SEC24B: variants seen among roughly 807,000 people sequenced by gnomAD.
SEC24B encodes protein transport protein Sec24B.
Under a neutral mutation model 142.8 loss-of-function variants are expected in SEC24B, and 45 were observed. The ratio of observed to expected loss-of-function variants is 0.32; its 90% CI spans 0.25 to 0.40. SEC24B has a LOEUF of 0.40. SEC24B is among the 10% of genes least tolerant of loss of function. The probability of loss-of-function intolerance (pLI) is 1.00; values close to 1 mark genes in which losing one functional copy is unlikely to be tolerated. For synonymous variants in SEC24B, 574 were observed against 568.2 expected (o/e 1.01, Z -0.15); for missense variants, 1,409 against 1,526.8 (o/e 0.92, Z 1.29).
rs538233115 is a variant in SEC24B, at chr4:109,532,975, A to C, written c.3495+232A>C. 1.1e-4 allele frequency among the ~76,000 whole-genome samples: 17 copies of C among 152,334 alleles called. No homozygotes were observed. The South Asian group carries it at 1.7e-3, about 15-fold the overall frequency. On this transcript the variant is annotated intron_variant, in intron 21 of 23. Transcript: ENST00000265175. ...ATTGATAATACTGATAGAGTAATACATTTTAATATGGATTATTTACTGTCA... is the reference window on the plus strand; with the variant it reads ...ATTGATAATACTGATAGAGTAATACCTTTTAATATGGATTATTTACTGTCA...
intron 10 of SEC24B, among the ~76,000 whole-genome samples, chr4:109,515,304 T>C (rs1213150972): frequency 2.6e-5 from 4 of 152,112 alleles, no homozygotes; most frequent in Non-Finnish European, 5.9e-5. Flanking sequence ...GGTTTCACCA[T>C]GTTAGCCAGA....
chr4:109,448,753 C>T (rs1036994742), intron 1 of SEC24B, among the ~76,000 whole-genome samples: 1 of 152,082 alleles, frequency 6.6e-6, no homozygotes, highest in Non-Finnish European at 1.5e-5. Flanking sequence ...AACTTTGGTA[C>T]ATTTATCAAA....
chr4:109,497,759 T>C (rs1735679443), intron 6 of SEC24B, among the ~76,000 whole-genome samples: 1 of 152,208 alleles, frequency 6.6e-6, no homozygotes, highest in Non-Finnish European at 1.5e-5. Flanking sequence ...CCATTATGAA[T>C]GATGCTATTG....
chr4:109,521,529 C>T lies in SEC24B; in HGVS notation c.2411C>T (p.Thr804Ile). Reference sequence around the variant, plus strand: ...GCTGCCTTTAAATTAATGTCTCCAACAGGTGGCCGTGTGTCTGTATTTCAG... The same window carrying T: ...GCTGCCTTTAAATTAATGTCTCCAATAGGTGGCCGTGTGTCTGTATTTCAG... ...LQAAFKLMSP[T>I]GGRVSVFQTQ... is the part of the protein sequence containing the mutation. The change falls in exon 14 of 24, where the codon ACA (threonine) becomes ATA (isoleucine). Residue 804 changes from threonine (T) to isoleucine (I), a missense_variant. This residue lies in a region of SEC24B where 700 missense variants were observed against 853.3 expected (regional missense o/e 0.82). Transcript: ENST00000265175. 1 of 1,614,142 alleles carries T rather than the reference C, an allele frequency of 6.2e-7. No homozygotes were observed. The highest frequency in any genetic ancestry group is 8.5e-7 in the Non-Finnish European group (1 of 1,179,990).
intron 6 of SEC24B, among the ~76,000 whole-genome samples, chr4:109,502,336 A>C (rs1048339253): frequency 2.6e-5 from 4 of 152,216 alleles, no homozygotes; most frequent in Non-Finnish European, 5.9e-5. Context: ...GATGACATCT[A>C]ATTTACATAT....
chr4:109,502,492 G>C (rs1307882878), intron 6 of SEC24B, among the ~76,000 whole-genome samples: 1 of 152,202 alleles, frequency 6.6e-6, no homozygotes, highest in African/African-American at 2.4e-5. Flanking sequence ...GTATCATGGA[G>C]GTTGTAAAAA....
At position 109,530,315 on chromosome 4, in the gene SEC24B, C is replaced by T. The variant is rs781373889; in HGVS notation, c.3103C>T (p.Leu1035=). 6.2e-7 allele frequency: 1 copy of T among 1,613,640 alleles called. No individual in the cohort carries two copies. Among genetic ancestry groups the T allele is most frequent in the Non-Finnish European group, 8.5e-7 (1 of 1,179,798 alleles). Residue 1035 remains leucine, a synonymous_variant, in exon 19 of 24, where the codon CTG becomes TTG. Transcript: ENST00000265175. ...MAVDRSVSSS[L]SDARDALVNA... is the part of the protein sequence containing the mutation. ...TGTGGATCGGTCCGTTTCATCAAGT[C>T]TGTCAGATGCAAGAGATGCCTTAGT...
intron 23 of SEC24B, among the ~76,000 whole-genome samples, chr4:109,539,213 C>T (rs925744624): frequency 2.0e-5 from 3 of 152,014 alleles, no homozygotes; most frequent in African/African-American, 2.4e-5. Flanking sequence ...CCACCCACCT[C>T]GGCCTCTCAA....
chr4:109,438,706 GTT>G (rs1728645830), intron 1 of SEC24B, among the ~76,000 whole-genome samples: 1 of 152,200 alleles, frequency 6.6e-6, no homozygotes, highest in African/African-American at 2.4e-5. Flanking sequence ...ACTTTTACTT[GTT>G]TTCTAGGTGT....
chr4:109,489,418 CTG>C (rs1237571932), intron 4 of SEC24B, among the ~76,000 whole-genome samples: 1 of 149,554 alleles, frequency 6.7e-6, no homozygotes, highest in Non-Finnish European at 1.5e-5. Context: ...ATAAAATTAA[CTG>C]TTTTAAATTG....
Position 109,473,022 on chromosome 4 carries a change from G to C in SEC24B, c.896G>C (p.Cys299Ser), listed in dbSNP as rs767947768. ...TCTTCAGTTGCAGATTCTTTATCCT[G>C]TCCTGTTATGCAAAATGTTCAGCCT... is the stretch of plus-strand genomic sequence containing the variant. The part of the protein sequence containing the change: ...PTITVADSLS[C>S]PVMQNVQPPK... The change falls in exon 3 of 24, where the codon TGT (cysteine) becomes TCT (serine). Residue 299 changes from cysteine to serine, a missense_variant. By Grantham distance (112) the Cys-to-Ser change is moderately radical (BLOSUM62 -1). This residue lies in a region of SEC24B where 709 missense variants were observed against 673.5 expected (regional missense o/e 1.05). Coordinates refer to ENST00000265175, the MANE Select transcript of SEC24B (RefSeq NM_006323.5). 13 of 1,579,474 alleles carry C rather than the reference G, an allele frequency of 8.2e-6. No homozygotes were observed. In the South Asian group the frequency reaches 1.3e-4, roughly 16 times the overall value.
At chr4:109,526,085 A>T in intron 16 of SEC24B, 141 bp from the exon 17 acceptor site, 2 of 723,710 alleles carry the variant, frequency 2.8e-6, no homozygotes, top group Non-Finnish European at 4.5e-6. Flanking sequence ...TATTTTAGAA[A>T]CTCTGCCTAT....
chr4:109,520,791 G>C (rs1000589307), intron 12 of SEC24B, among the ~76,000 whole-genome samples: 1 of 152,084 alleles, frequency 6.6e-6, no homozygotes, highest in East Asian at 1.9e-4. Flanking sequence ...TCAGGAGTTC[G>C]AGACCAGCCT....
At chr4:109,462,088 C>T (rs894533279) in intron 1 of SEC24B, among the ~76,000 whole-genome samples, 10 of 152,044 alleles carry the variant, frequency 6.6e-5, no homozygotes, top group African/African-American at 1.2e-4. Context: ...CCCAGCTGCT[C>T]GGGAGGCTGA....
intron 1 of SEC24B, among the ~76,000 whole-genome samples, chr4:109,439,240 G>A (rs1728685335): frequency 6.6e-6 from 1 of 152,098 alleles, no homozygotes. Flanking sequence ...TCATACAGCA[G>A]TACTATCGGG....
At chr4:109,453,549 T>G (rs1296480841) in intron 1 of SEC24B, among the ~76,000 whole-genome samples, 2 of 149,018 alleles carry the variant, frequency 1.3e-5, no homozygotes, top group Non-Finnish European at 3.0e-5. Flanking sequence ...GAAATATGGC[T>G]CTGCCTGCCT....
chr4:109,476,770 A>G (rs1285948557), intron 3 of SEC24B, among the ~76,000 whole-genome samples: 3 of 152,214 alleles, frequency 2.0e-5, no homozygotes, highest in African/African-American at 7.2e-5. Context: ...ACATGGAACA[A>G]GCATATCATA....
intron 4 of SEC24B, among the ~76,000 whole-genome samples, chr4:109,484,806 C>A (rs1384251312): frequency 2.0e-5 from 3 of 147,762 alleles, no homozygotes; most frequent in African/African-American, 7.6e-5. Context: ...GAGCCGAGAT[C>A]ACGCCACTGC....
chr4:109,467,143 G>A (rs1417906898), intron 2 of SEC24B, among the ~76,000 whole-genome samples: 2 of 151,602 alleles, frequency 1.3e-5, no homozygotes, highest in East Asian at 2.0e-4. Flanking sequence ...TGGCTAACAC[G>A]GTGAAACCCC....
Sources: allele counts gnomAD v4.1 joint callset (sites outside exome capture counted in the v4.1 genomes callset), GRCh38; gene constraint gnomAD v4.1.1; regional missense constraint gnomAD v4.1.1; transcripts MANE v1.5; gene names NCBI Gene and HGNC (gene_info 2026-07-23, HGNC 2026-07-21).